CD163L1: variants seen among roughly 807,000 people sequenced by gnomAD.
CD163L1 encodes CD163 molecule like 1, also known as scavenger receptor cysteine-rich type 1 protein M160.
CD163L1 carries 124 observed loss-of-function variants against 165.4 expected under a neutral mutation model. That is an observed-to-expected ratio of 0.75 (90% confidence interval 0.65 to 0.87). The LOEUF is 0.87. Ranked by LOEUF, CD163L1 falls within the 40% of genes least tolerant of loss-of-function variation. The pLI is 0.00. For synonymous variants in CD163L1, 585 were observed against 662.2 expected (o/e 0.88, Z 1.79); for missense variants, 1,525 against 1,799.9 (o/e 0.85, Z 2.76).
At chr12:7,338,403 T>C in the CD163L1 span, among the ~76,000 whole-genome samples, 1 of 152,202 alleles carries the variant, frequency 6.6e-6, no homozygotes, top group African/African-American at 2.4e-5. Flanking sequence ...ACAGGAGATA[T>C]TCCTGACATG....
chr12:7,337,760 G>A, the CD163L1 span, among the ~76,000 whole-genome samples: 7 of 152,148 alleles, frequency 4.6e-5, no homozygotes, highest in East Asian at 1.9e-4. Context: ...ACAGTGTGGC[G>A]ATTCCTCAAG....
In CD163L1 at chr12:7,398,663, A is replaced by G. The variant is rs1947835243; in HGVS notation, c.1409-79T>C. On this transcript the variant is annotated intron_variant, in intron 6 of 19. Coordinates refer to ENST00000313599, the MANE Select transcript of CD163L1 (RefSeq NM_174941.6). The surrounding 1 kb of genome is among the most constrained non-coding windows in gnomAD (Gnocchi z 4.5). ...AAGACTGAAAAGACTCTCTAAATTC[A>G]CGACTATAAGGCTTTGCCTAACAGG... 2 of 1,278,428 alleles carry G rather than the reference A, an allele frequency of 1.6e-6. No homozygotes were observed. The highest frequency in any genetic ancestry group is 3.0e-5 in the African/African-American group (2 of 67,100). The allele number at this position is 1,278,428 out of a possible 1,614,324, so 79.2% of individuals were successfully genotyped here.
rs553606389 is a variant in CD163L1, at chr12:7,368,992, C to T, written c.4040-27G>A. ...TGAGAGAGAGAGAGAGAGAGAGAGACGTAAATGAACGAAAAGGAACTGGGT... is the reference window on the plus strand; with the variant it reads ...TGAGAGAGAGAGAGAGAGAGAGAGATGTAAATGAACGAAAAGGAACTGGGT... On this transcript the variant is annotated intron_variant, in intron 15 of 19. Coordinates refer to ENST00000313599, the MANE Select transcript of CD163L1 (RefSeq NM_174941.6). The surrounding 1 kb of genome is among the most constrained non-coding windows in gnomAD (Gnocchi z 4.3). 119 of 1,550,968 alleles carry T rather than the reference C, an allele frequency of 7.7e-5. No individual in the cohort carries two copies. Among genetic ancestry groups the T allele is most frequent in the Non-Finnish European group, 9.1e-5 (103 of 1,131,960 alleles).
chr12:7,439,861 C>G (rs1948792547), intron 2 of CD163L1: 1 of 1,611,610 alleles, frequency 6.2e-7, no homozygotes, highest in Non-Finnish European at 8.5e-7. Flanking sequence ...CTCCGCTCCT[C>G]TCGCGGCTGC....
chr12:7,346,198 G>A (rs146831118), downstream of CD163L1, among the ~76,000 whole-genome samples: 7 of 152,154 alleles, frequency 4.6e-5, no homozygotes, highest in East Asian at 1.9e-4. Flanking sequence ...GTATTACTTC[G>A]TGTGATTTTA....
the CD163L1 span, among the ~76,000 whole-genome samples, chr12:7,331,371 C>A: frequency 1.3e-5 from 2 of 152,236 alleles, no homozygotes; most frequent in African/African-American, 4.8e-5. Flanking sequence ...AGGGCACAGA[C>A]AAACAAAAGG....
the CD163L1 span, chr12:7,328,785 A>G: frequency 2.6e-5 from 4 of 154,766 alleles, no homozygotes; most frequent in African/African-American, 9.7e-5. Flanking sequence ...TCAAGACATT[A>G]AAGTAAGGAG....
chr12:7,322,497 C>T, the CD163L1 span: 1 of 1,613,720 alleles, frequency 6.2e-7, no homozygotes, highest in African/African-American at 1.3e-5. Context: ...GTGGAGGGTG[C>T]AAACTGGGCT....
downstream of CD163L1, among the ~76,000 whole-genome samples, chr12:7,342,517 T>C (rs979024620): frequency 1.3e-5 from 2 of 152,210 alleles, no homozygotes; most frequent in African/African-American, 2.4e-5. Flanking sequence ...GTGAGACCCC[T>C]GATTTCCCAC....
the CD163L1 span, among the ~76,000 whole-genome samples, chr12:7,338,625 G>A: frequency 6.6e-6 from 1 of 152,124 alleles, no homozygotes; most frequent in African/African-American, 2.4e-5. Flanking sequence ...CTGAATATCT[G>A]TCTAGTAACC....
intron 8 of CD163L1, among the ~76,000 whole-genome samples, chr12:7,394,338 G>T (rs1947727632): frequency 6.6e-6 from 1 of 152,110 alleles, no homozygotes; most frequent in Admixed American, 6.6e-5. Context: ...AACAAGAAAT[G>T]GGGAAAGGAT....
Position 7,401,435 on chromosome 12 carries a change from G to A in CD163L1, c.1408+2100C>T, listed in dbSNP as rs187502208. ...TTTATAGATGATAATTTGTTAATATGTATCCAAGACTTTAAAAAAAGATGC... is the reference window on the plus strand; with the variant it reads ...TTTATAGATGATAATTTGTTAATATATATCCAAGACTTTAAAAAAAGATGC... On this transcript the variant is annotated intron_variant, in intron 6 of 19. Transcript: ENST00000313599. Among the ~76,000 whole-genome samples the A allele has an allele frequency of 9.2e-4, 140 of 151,962 alleles. 1 individual carries two copies. Among genetic ancestry groups the A allele is most frequent in the Non-Finnish European group, 7.4e-4 (50 of 67,952 alleles).
At chr12:7,365,945 G>A (rs1043692807) in intron 18 of CD163L1, among the ~76,000 whole-genome samples, 4 of 152,102 alleles carry the variant, frequency 2.6e-5, no homozygotes, top group Non-Finnish European at 5.9e-5. Flanking sequence ...ATATATCAAA[G>A]TGATAGCTGC....
intron 18 of CD163L1, among the ~76,000 whole-genome samples, chr12:7,360,567 G>A (rs892245443): frequency 4.6e-5 from 7 of 151,620 alleles, no homozygotes; most frequent in Admixed American, 1.3e-4. Context: ...ATTTTTTTCT[G>A]TTATCTCCTT....
chr12:7,397,104 G>A (rs1034799635), intron 7 of CD163L1, among the ~76,000 whole-genome samples: 5 of 152,192 alleles, frequency 3.3e-5, no homozygotes, highest in African/African-American at 1.2e-4. Context: ...ATGGCATGAT[G>A]TGGCAATAGA....
At chr12:7,411,911 C>A (rs1314509590) in intron 4 of CD163L1, among the ~76,000 whole-genome samples, 1 of 152,202 alleles carries the variant, frequency 6.6e-6, no homozygotes, top group Non-Finnish European at 1.5e-5. Context: ...TAATTACAAA[C>A]AACTATTAGC....
intron 4 of CD163L1, among the ~76,000 whole-genome samples, chr12:7,422,497 TAAAGGAAC>T (rs1948457668): frequency 6.6e-6 from 1 of 151,778 alleles, no homozygotes; most frequent in East Asian, 1.9e-4. Flanking sequence ...TCCTCTGAGC[TAAAGGAAC>T]ATGTTCTAAC....
At chr12:7,364,990 T>G (rs78316912) in intron 18 of CD163L1, among the ~76,000 whole-genome samples, 1 of 151,946 alleles carries the variant, frequency 6.6e-6, no homozygotes, top group East Asian at 1.9e-4. Flanking sequence ...CAAAAGAACA[T>G]AGTTGGAGGC....
chr12:7,388,187 G>A (rs1947562484), intron 8 of CD163L1, among the ~76,000 whole-genome samples: 1 of 152,068 alleles, frequency 6.6e-6, no homozygotes, highest in African/African-American at 2.4e-5. Flanking sequence ...AAAACATTGG[G>A]AAAATACTCC....
Sources: gnomAD v4.1 joint callset for allele counts (sites outside exome capture counted in the v4.1 genomes callset) on GRCh38, gnomAD v4.1.1 for gene constraint, Gnocchi (gnomAD v3.1) non-coding constraint, MANE v1.5 for transcripts, NCBI Gene and HGNC (gene_info 2026-07-23, HGNC 2026-07-21) for gene names.